Variants in SAFB observed in about 807,000 individuals in gnomAD.
SAFB encodes scaffold attachment factor B1.
A neutral mutation model predicts 101.6 loss-of-function variants in SAFB; 15 were observed. That is an observed-to-expected ratio of 0.15 (90% confidence interval 0.10 to 0.23). The LOEUF (loss-of-function observed/expected upper bound fraction) is 0.23. Ranked by LOEUF, SAFB falls within the 10% of genes least tolerant of loss-of-function variation. The pLI is 1.00. For missense variants in SAFB, 930 were observed against 1,104.1 expected, an observed-to-expected ratio of 0.84 and a Z score of 2.23; for synonymous variants, 449 against 407.5, an observed-to-expected ratio of 1.10 and a Z score of -1.23.
intron 17 of SAFB, chr19:5,665,791 T>C (rs1434081738): frequency 3.9e-5 from 6 of 152,220 alleles, no homozygotes; most frequent in Admixed American, 1.3e-4. Context: ...ACAGAACTTA[T>C]GGGCCTCATT....
intron 2 of SAFB, among the ~76,000 whole-genome samples, chr19:5,627,448 C>G (rs2053391072): frequency 6.6e-6 from 1 of 152,138 alleles, no homozygotes; most frequent in Admixed American, 6.5e-5. Flanking sequence ...AACATGGAGT[C>G]CAAAAAGTAG....
At chr19:5,662,250 C>T (rs1347241136) in intron 15 of SAFB, among the ~76,000 whole-genome samples, 1 of 152,092 alleles carries the variant, frequency 6.6e-6, no homozygotes, top group African/African-American at 2.4e-5. Context: ...GTAATCCTAA[C>T]ATTTTGGGAG....
intron 2 of SAFB, among the ~76,000 whole-genome samples, chr19:5,627,711 C>G (rs544299923): frequency 1.3e-5 from 2 of 152,240 alleles, no homozygotes; most frequent in African/African-American, 4.8e-5. Flanking sequence ...CTCCGCCCAC[C>G]CTTCCCCATC....
intron 2 of SAFB, among the ~76,000 whole-genome samples, chr19:5,639,148 G>A (rs968799960): frequency 2.0e-5 from 3 of 152,272 alleles, no homozygotes; most frequent in African/African-American, 7.2e-5. Context: ...ATAATATTGC[G>A]GAAGCCAACA....
intron 2 of SAFB, among the ~76,000 whole-genome samples, chr19:5,628,108 A>G (rs2053407725): frequency 6.6e-6 from 1 of 152,064 alleles, no homozygotes; most frequent in African/African-American, 2.4e-5. Context: ...AAAATTAGCC[A>G]GGTGTGGTGG....
chr19:5,628,448 A>C (rs149025828), intron 2 of SAFB, among the ~76,000 whole-genome samples: 1,845 of 152,308 alleles, frequency 0.012, 37 homozygotes, highest in Admixed American at 0.053. Context: ...TATACACCTG[A>C]AGATAATTTA....
chr19:5,656,273 A>T (rs2054057303), intron 13 of SAFB, among the ~76,000 whole-genome samples: 1 of 151,284 alleles, frequency 6.6e-6, no homozygotes, highest in Non-Finnish European at 1.5e-5. Flanking sequence ...TTTATTTTTT[A>T]TTTGTTATTA....
At chr19:5,648,097 C>T (rs775645327) in intron 6 of SAFB, 54 bp downstream of exon 6, 4 of 1,402,544 alleles carry the variant, frequency 2.9e-6, no homozygotes, top group Non-Finnish European at 3.0e-6. Flanking sequence ...TCTAGTTTTC[C>T]ACCTTCTCTA....
chr19:5,649,667 A>G, intron 7 of SAFB, 168 bp downstream of exon 7: 1 of 624,636 alleles, frequency 1.6e-6, no homozygotes, highest in Admixed American at 3.1e-5. Flanking sequence ...TGGGTGATTC[A>G]ATTCCTTTTC....
chr19:5,668,368 TA>T lies in SAFB; in HGVS notation c.*78del, dbSNP rs2054386338. On this transcript the variant is annotated 3_prime_UTR_variant, in exon 21 of 21. Transcript: ENST00000588852. Reference sequence around the variant, plus strand: ...GGAGTTACCTTAAACTGTGTAAAAATATTTTTTTTTAATCTGCTGCCATATT... The same window carrying T: ...GGAGTTACCTTAAACTGTGTAAAAATTTTTTTTTTAATCTGCTGCCATATT... 1 of 1,488,242 alleles carries T rather than the reference TA, an allele frequency of 6.7e-7. No homozygotes were observed. Among genetic ancestry groups the T allele is most frequent in the Non-Finnish European group, 8.9e-7 (1 of 1,120,698 alleles). The allele number at this position is 1,488,242 out of a possible 1,614,324, so 92.2% of individuals were successfully genotyped here. A position where few individuals can be genotyped will look rare whatever the true frequency, so the allele number is the denominator to read the frequency against.
chr19:5,645,455 G>T, intron 5 of SAFB, 56 bp downstream of exon 5: 1 of 841,506 alleles, frequency 1.2e-6, no homozygotes, highest in South Asian at 1.4e-5. Context: ...CACAATTTCT[G>T]GAATCCATTT....
intron 2 of SAFB, among the ~76,000 whole-genome samples, chr19:5,632,616 A>G (rs1410177417): frequency 6.6e-6 from 1 of 152,180 alleles, no homozygotes; most frequent in African/African-American, 2.4e-5. Flanking sequence ...TTAATCTTGA[A>G]CACTTACACT....
At position 5,657,294 on chromosome 19, in the gene SAFB, G is replaced by A. The variant is rs2054084973; in HGVS notation, c.1809G>A (p.Val603=). The A allele has an allele frequency of 6.2e-7, 1 of 1,614,062 alleles. No individual in the cohort carries two copies. The change falls in exon 14 of 21, where the codon GTG becomes GTA. Residue 603 remains valine (V), a synonymous_variant. Coordinates refer to ENST00000588852, the MANE Select transcript of SAFB (RefSeq NM_001201338.2). ...KSASREKRSV[V]SFDKVKEPRK... ...CCAGCAGAGAGAAGCGGTCCGTCGT[G>A]TCCTTTGATAAGGTCAAGGAGCCTC...
intron 9 of SAFB, among the ~76,000 whole-genome samples, chr19:5,652,416 A>T (rs1208764076): frequency 6.6e-6 from 1 of 152,052 alleles, no homozygotes; most frequent in Non-Finnish European, 1.5e-5. Flanking sequence ...AGCAGGCCTG[A>T]TGTGGGTTAA....
rs114191467 is a variant in SAFB, at chr19:5,644,948, G to A, written c.547-389G>A. 1.5e-3 allele frequency among the ~76,000 whole-genome samples: 224 copies of A among 152,296 alleles called. 1 individual carries two copies. The highest frequency in any genetic ancestry group is 5.2e-3 in the African/African-American group (218 of 41,550). On this transcript the variant is annotated intron_variant, in intron 4 of 20. Coordinates refer to ENST00000588852, the MANE Select transcript of SAFB (RefSeq NM_001201338.2). ...TCAGCATCCAGGCTGGGCGAGCAGC[G>A]GTGGCTGAAGGCTCCACTTCAGCAG...
chr19:5,657,437 T>A (rs1415093490), intron 14 of SAFB, 90 bp downstream of exon 14: 2 of 864,620 alleles, frequency 2.3e-6, no homozygotes, highest in African/African-American at 3.4e-5. Context: ...TTCCCTGGGG[T>A]GGGATAGAGC....
chr19:5,652,452 T>C (rs928167847), intron 9 of SAFB, among the ~76,000 whole-genome samples: 6 of 152,182 alleles, frequency 3.9e-5, no homozygotes, highest in Admixed American at 3.9e-4. Flanking sequence ...TCTCTGAGAA[T>C]GTCCTCTGGG....
chr19:5,624,286 A>G (rs1325268447), intron 1 of SAFB, among the ~76,000 whole-genome samples: 1 of 151,530 alleles, frequency 6.6e-6, no homozygotes, highest in Non-Finnish European at 1.5e-5. Context: ...TGGGGATTAA[A>G]TAAGTTTGCG....
intron 14 of SAFB, 26 bp from the exon 15 acceptor site, chr19:5,661,492 C>G: frequency 6.2e-7 from 1 of 1,608,550 alleles, no homozygotes; most frequent in South Asian, 1.1e-5. Context: ...GTCTAGGTCC[C>G]CTTCTGCAGC....
Sources: allele counts gnomAD v4.1 joint callset (sites outside exome capture counted in the v4.1 genomes callset), GRCh38; gene constraint gnomAD v4.1.1; transcripts MANE v1.5; gene names NCBI Gene and HGNC (gene_info 2026-07-23, HGNC 2026-07-21).